WWOX: variants seen among roughly 807,000 people sequenced by gnomAD.
WWOX encodes WW domain containing oxidoreductase.
A neutral mutation model predicts 46.2 loss-of-function variants in WWOX; 69 were observed. The observed-to-expected ratio is 1.49, with a 90% CI of 1.23 to 1.82. The LOEUF (loss-of-function observed/expected upper bound fraction) is 1.82, where lower values mean the gene tolerates loss of function less well. Among genes scored for constraint, WWOX ranks in the 40% most tolerant of loss-of-function variants. The pLI is 0.00. For synonymous variants in WWOX, 359 were observed against 202.6 expected, an observed-to-expected ratio of 1.77 and a Z score of -6.56; for missense variants, 919 against 542.6, an observed-to-expected ratio of 1.69 and a Z score of -6.89.
chr16:78,179,143 T>C (rs936990204), intron 5 of WWOX, among the ~76,000 whole-genome samples: 2 of 152,210 alleles, frequency 1.3e-5, no homozygotes, highest in African/African-American at 4.8e-5. Flanking sequence ...TGCAGTGCTT[T>C]AAAGAATCTG....
At chr16:78,282,531 T>C (rs1461290075) in intron 5 of WWOX, among the ~76,000 whole-genome samples, 2 of 152,098 alleles carry the variant, frequency 1.3e-5, no homozygotes, top group African/African-American at 2.4e-5. Context: ...TTCCACTGAT[T>C]TGATGGGGGT....
At chr16:78,706,814 T>G (rs1341544026) in intron 8 of WWOX, among the ~76,000 whole-genome samples, 1 of 152,136 alleles carries the variant, frequency 6.6e-6, no homozygotes, top group Non-Finnish European at 1.5e-5. Flanking sequence ...CCTTTTTTTT[T>G]GGAGACAGAT....
At chr16:78,894,288 G>C (rs1567632016) in intron 8 of WWOX, among the ~76,000 whole-genome samples, 1 of 152,038 alleles carries the variant, frequency 6.6e-6, no homozygotes. Context: ...TCTAATTGTT[G>C]TGTTATTGGG....
chr16:78,325,761 G>T (rs1332590714), intron 5 of WWOX, among the ~76,000 whole-genome samples: 1 of 152,216 alleles, frequency 6.6e-6, no homozygotes, highest in Non-Finnish European at 1.5e-5. Flanking sequence ...TAGCCTTGCA[G>T]GCAAGGAAGC....
At chr16:78,858,489 C>G (rs1322257757) in intron 8 of WWOX, among the ~76,000 whole-genome samples, 1 of 151,860 alleles carries the variant, frequency 6.6e-6, no homozygotes, top group East Asian at 1.9e-4. Flanking sequence ...AAACTATACA[C>G]ATAGCTGAAT....
intron 8 of WWOX, among the ~76,000 whole-genome samples, chr16:79,018,790 A>G (rs1343176007): frequency 6.6e-6 from 1 of 152,166 alleles, no homozygotes; most frequent in African/African-American, 2.4e-5. Flanking sequence ...GTGCTTTGAA[A>G]TTTTTGTTCC....
chr16:78,863,136 T>G (rs900419008), intron 8 of WWOX, among the ~76,000 whole-genome samples: 1 of 152,002 alleles, frequency 6.6e-6, no homozygotes, highest in Non-Finnish European at 1.5e-5. Flanking sequence ...TTTTGTATTT[T>G]TAATAGAGAT....
At chr16:78,891,066 A>T (rs58151365) in intron 8 of WWOX, 40 of 152,328 alleles carry the variant, frequency 2.6e-4, no homozygotes, top group Middle Eastern at 3.4e-3. Flanking sequence ...TTCATAGTGA[A>T]TAAAAAGTGA....
intron 8 of WWOX, among the ~76,000 whole-genome samples, chr16:78,564,094 C>T (rs2044505883): frequency 6.6e-6 from 1 of 152,228 alleles, no homozygotes. Flanking sequence ...CAAGAGCCAA[C>T]CTACAGACGC....
chr16:78,309,090 A>T (rs573463039), intron 5 of WWOX, among the ~76,000 whole-genome samples: 14 of 152,146 alleles, frequency 9.2e-5, no homozygotes, highest in African/African-American at 3.4e-4. Flanking sequence ...CCAATCTGAA[A>T]ATCCTTGAAT....
At chr16:78,846,489 C>T (rs761154084) in intron 8 of WWOX, among the ~76,000 whole-genome samples, 2 of 151,904 alleles carry the variant, frequency 1.3e-5, no homozygotes, top group Non-Finnish European at 2.9e-5. Context: ...TTGTAGAATG[C>T]CCGTAATTTG....
At chr16:78,112,588 G>C (rs1272867441) in intron 3 of WWOX, among the ~76,000 whole-genome samples, 1 of 152,056 alleles carries the variant, frequency 6.6e-6, no homozygotes, top group Non-Finnish European at 1.5e-5. Context: ...TTTGTTAAAA[G>C]GCTTTTTGCC....
At chr16:78,919,676 C>T (rs1279377144) in intron 8 of WWOX, among the ~76,000 whole-genome samples, 1 of 152,012 alleles carries the variant, frequency 6.6e-6, no homozygotes, top group Non-Finnish European at 1.5e-5. Context: ...CACCACCACA[C>T]CTGGCTAATT....
At chr16:78,399,529 G>A (rs528298295) in intron 6 of WWOX, among the ~76,000 whole-genome samples, 1 of 152,184 alleles carries the variant, frequency 6.6e-6, no homozygotes, top group South Asian at 2.1e-4. Context: ...AACAGGGAGC[G>A]ACACCTCTCA....
At chr16:78,527,584 G>T (rs918825963) in intron 8 of WWOX, among the ~76,000 whole-genome samples, 2 of 152,054 alleles carry the variant, frequency 1.3e-5, no homozygotes, top group African/African-American at 2.4e-5. Flanking sequence ...ATGAGCCATC[G>T]CGCCCAGCCA....
chr16:78,955,771 C>T (rs2046153483), intron 8 of WWOX, among the ~76,000 whole-genome samples: 1 of 151,780 alleles, frequency 6.6e-6, no homozygotes, highest in African/African-American at 2.4e-5. Flanking sequence ...CCTCAGCCTC[C>T]CGAGTAGCTG....
intron 7 of WWOX, among the ~76,000 whole-genome samples, chr16:78,430,866 G>T (rs973697026): frequency 6.6e-6 from 1 of 152,146 alleles, no homozygotes; most frequent in Admixed American, 6.5e-5. Context: ...TTCTGCCCTT[G>T]CCATGCTTTT....
intron 8 of WWOX, among the ~76,000 whole-genome samples, chr16:79,030,985 G>A (rs1156975931): frequency 6.6e-6 from 1 of 151,504 alleles, no homozygotes; most frequent in Non-Finnish European, 1.5e-5. Flanking sequence ...CCACCCACTC[G>A]AGAGGCTGTG....
rs552244707 is a variant in WWOX, at chr16:78,923,998, G to A, written c.1057-287610G>A. 6.6e-5 allele frequency among the ~76,000 whole-genome samples: 10 copies of A among 151,848 alleles called. No individual in the cohort carries two copies. In the South Asian group the frequency reaches 2.1e-3, roughly 32 times the overall value. ...GTTTTATTTTGTTTTGTTTTTTTTA[G>A]TAGAGACGGGGTTTCACCGTGTTAG... On this transcript the variant is annotated intron_variant, in intron 8 of 8. Coordinates refer to ENST00000566780, the MANE Select transcript of WWOX (RefSeq NM_016373.4).
Sources: allele counts gnomAD v4.1 joint callset (sites outside exome capture counted in the v4.1 genomes callset), GRCh38; gene constraint gnomAD v4.1.1; transcripts MANE v1.5; gene names NCBI Gene and HGNC (gene_info 2026-07-23, HGNC 2026-07-21).